Variants in GRIP1 observed in about 807,000 individuals in gnomAD.
The protein encoded by GRIP1 is glutamate receptor-interacting protein 1.
Under a neutral mutation model 129.9 loss-of-function variants are expected in GRIP1, and 45 were observed. The ratio of observed to expected loss-of-function variants is 0.35; its 90% CI spans 0.27 to 0.44. GRIP1 has a LOEUF of 0.44. GRIP1 is among the 20% of genes least tolerant of loss of function. The pLI is 1.00. For synonymous variants in GRIP1, 530 were observed against 520.8 expected, an observed-to-expected ratio of 1.02 and a Z score of -0.24; for missense variants, 1,196 against 1,396.8, an observed-to-expected ratio of 0.86 and a Z score of 2.29.
intron 8 of GRIP1, among the ~76,000 whole-genome samples, chr12:66,464,245 G>C (rs1469844184): frequency 6.6e-6 from 1 of 152,180 alleles, no homozygotes; most frequent in Middle Eastern, 3.2e-3. Flanking sequence ...TTAGCTATGG[G>C]AGATGAGGTT....
intron 1 of GRIP1, among the ~76,000 whole-genome samples, chr12:66,642,283 AGCAAGAGG>A (rs2032001398): frequency 2.0e-5 from 2 of 98,758 alleles, no homozygotes; most frequent in South Asian, 5.5e-4. Flanking sequence ...AGAGAACTCC[AGCAAGAGG>A]GAACTCCAGC....
At chr12:66,575,676 G>C (rs565305282) in intron 2 of GRIP1, among the ~76,000 whole-genome samples, 2 of 152,242 alleles carry the variant, frequency 1.3e-5, no homozygotes, top group East Asian at 3.9e-4. Flanking sequence ...AAGGTGTTCA[G>C]GACAACTAGA....
intron 1 of GRIP1, among the ~76,000 whole-genome samples, chr12:66,905,762 C>T (rs1641127525): frequency 6.6e-6 from 1 of 152,140 alleles, no homozygotes; most frequent in African/African-American, 2.4e-5. Context: ...GTTTAGAATG[C>T]TCTTGGCAAT....
chr12:66,570,115 G>A (rs563236695), intron 2 of GRIP1, among the ~76,000 whole-genome samples: 1 of 152,048 alleles, frequency 6.6e-6, no homozygotes, highest in Non-Finnish European at 1.5e-5. Flanking sequence ...ATGTATGTAT[G>A]TATGTATGTA....
intron 11 of GRIP1, among the ~76,000 whole-genome samples, chr12:66,449,940 G>A (rs556749491): frequency 6.6e-6 from 1 of 151,682 alleles, no homozygotes; most frequent in African/African-American, 2.4e-5. Flanking sequence ...ACAGATTATC[G>A]GACTACTTAA....
At chr12:66,501,455 G>A (rs763777149) in intron 7 of GRIP1, among the ~76,000 whole-genome samples, 1 of 152,110 alleles carries the variant, frequency 6.6e-6, no homozygotes, top group Non-Finnish European at 1.5e-5. Context: ...AATGACTGGA[G>A]CTCATTTTAT....
chr12:66,839,230 T>C (rs1365602598), intron 1 of GRIP1, among the ~76,000 whole-genome samples: 1 of 152,074 alleles, frequency 6.6e-6, no homozygotes, highest in Non-Finnish European at 1.5e-5. Context: ...AGTAAAAAAA[T>C]GGACATTTGA....
chr12:66,866,676 C>T (rs2040210334), intron 1 of GRIP1, among the ~76,000 whole-genome samples: 1 of 152,086 alleles, frequency 6.6e-6, no homozygotes. Flanking sequence ...TGTCATTTTC[C>T]ATGTGATTAT....
chr12:66,979,252 A>AACAACAAAC (rs1555257220), intron 1 of GRIP1, among the ~76,000 whole-genome samples: 1 of 110,162 alleles, frequency 9.1e-6, no homozygotes, highest in African/African-American at 3.3e-5. Context: ...AAAAAAAAAA[A>AACAACAAAC]AACAAGCCCG....
At chr12:66,877,371 A>T (rs2040401244) in intron 1 of GRIP1, among the ~76,000 whole-genome samples, 1 of 152,112 alleles carries the variant, frequency 6.6e-6, no homozygotes, top group Admixed American at 6.6e-5. Context: ...TATTGTTGGT[A>T]AAATGTATTT....
rs2054081996 is a variant in GRIP1, at chr12:66,348,576, C to G, written c.*443G>C. 5.1e-6 allele frequency: 1 copy of G among 196,870 alleles called. No individual in the cohort carries two copies. The highest frequency in any genetic ancestry group is 1.3e-4 in the East Asian group (1 of 7,860). 12.2% of individuals were successfully genotyped at this position (196,870 alleles called of 1,614,324 possible). ...ACACTAGTTCCCCTAGTAGAGCCAG[C>G]CTATGAGAAGAAAAGCTTTGTTGGC... On this transcript the variant is annotated 3_prime_UTR_variant, in exon 25 of 25. Coordinates refer to ENST00000359742, the MANE Select transcript of GRIP1 (RefSeq NM_001366722.1).
intron 2 of GRIP1, among the ~76,000 whole-genome samples, chr12:66,572,394 A>G (rs182138021): frequency 2.6e-5 from 4 of 152,302 alleles, no homozygotes; most frequent in Non-Finnish European, 5.9e-5. Flanking sequence ...TGTAAATTAT[A>G]GTAAAGGTAA....
intron 1 of GRIP1, among the ~76,000 whole-genome samples, chr12:66,993,684 G>A (rs1454424343): frequency 1.3e-5 from 2 of 151,326 alleles, no homozygotes; most frequent in East Asian, 1.9e-4. Context: ...CCAGCTACTC[G>A]GGAGGCTGAG....
intron 1 of GRIP1, among the ~76,000 whole-genome samples, chr12:66,919,404 T>C (rs1483280763): frequency 2.5e-4 from 38 of 152,156 alleles, no homozygotes; most frequent in Non-Finnish European, 4.4e-5. Flanking sequence ...TTGGGGATCT[T>C]TCATGTAAAG....
In GRIP1 at chr12:66,705,067, C is replaced by G. The variant is rs554273985; in HGVS notation, c.-419-74731G>C. ...TTAACAGAGCCCTTACTACAAAGTA[C>G]TTGTTGAATGAAGGGATGCATTAAT... On this transcript the variant is annotated intron_variant, in intron 1 of 4. Coordinates refer to the GRIP1 transcript ENST00000538373. Among the ~76,000 whole-genome samples the G allele has an allele frequency of 5.3e-5, 8 of 152,188 alleles. No individual in the cohort carries two copies. In the South Asian group the frequency reaches 1.4e-3, roughly 28 times the overall value.
intron 1 of GRIP1, among the ~76,000 whole-genome samples, chr12:66,772,968 C>T (rs2037866595): frequency 6.6e-6 from 1 of 152,200 alleles, no homozygotes; most frequent in Non-Finnish European, 1.5e-5. Flanking sequence ...GAAAATGAAA[C>T]TTCCTACACC....
At chr12:66,525,866 A>T (rs1190552059) in intron 5 of GRIP1, among the ~76,000 whole-genome samples, 1 of 151,930 alleles carries the variant, frequency 6.6e-6, no homozygotes, top group Non-Finnish European at 1.5e-5. Flanking sequence ...CAAAAATCAC[A>T]AGCATTCTTA....
chr12:66,806,791 A>G (rs541363643), upstream of GRIP1, among the ~76,000 whole-genome samples: 1 of 148,392 alleles, frequency 6.7e-6, no homozygotes, highest in East Asian at 2.1e-4. Flanking sequence ...AATTGTACAT[A>G]AGCACCTATT....
intron 1 of GRIP1, among the ~76,000 whole-genome samples, chr12:66,705,220 T>C (rs775518038): frequency 5.3e-5 from 8 of 152,250 alleles, no homozygotes; most frequent in African/African-American, 9.6e-5. Flanking sequence ...CATCCTTTCA[T>C]ACAGTTCACC....
Sources: gnomAD v4.1 joint callset for allele counts (sites outside exome capture counted in the v4.1 genomes callset) on GRCh38, gnomAD v4.1.1 for gene constraint, MANE v1.5 for transcripts, NCBI Gene and HGNC (gene_info 2026-07-23, HGNC 2026-07-21) for gene names.